CRPPA: variants seen among roughly 807,000 people sequenced by gnomAD.
CRPPA encodes the protein CDP-L-ribitol pyrophosphorylase A, also known as D-ribitol-5-phosphate cytidylyltransferase.
Under a neutral mutation model 52.0 loss-of-function variants are expected in CRPPA, and 43 were observed. That is an observed-to-expected ratio of 0.83 (90% CI 0.65 to 1.07). The LOEUF is 1.07. Among genes scored for constraint, CRPPA ranks in the 50% least tolerant of loss-of-function variants. The probability of loss-of-function intolerance (pLI) is 0.00; values close to 1 mark genes in which losing one functional copy is unlikely to be tolerated. For synonymous variants in CRPPA, 250 were observed against 203.5 expected (o/e 1.23, Z -1.94); for missense variants, 629 against 551.7 (o/e 1.14, Z -1.40).
At position 16,278,003 on chromosome 7, in the gene CRPPA, T is replaced by C. The variant is rs899747046; in HGVS notation, c.933+126A>G. 9.2e-6 allele frequency: 6 copies of C among 651,192 alleles called. No homozygotes were observed. The African/African-American group carries it at 1.1e-4, about 12-fold the overall frequency. 40.3% of individuals were successfully genotyped at this position (651,192 alleles called of 1,614,324 possible). ...GTGCTGGCAGACCAAAGGATCTCATTGAGGCAAAATAATAAGAACATTATG... is the reference window on the plus strand; with the variant it reads ...GTGCTGGCAGACCAAAGGATCTCATCGAGGCAAAATAATAAGAACATTATG... On this transcript the variant is annotated intron_variant, in intron 6 of 9. Coordinates refer to ENST00000407010, the MANE Select transcript of CRPPA (RefSeq NM_001101426.4).
In CRPPA at chr7:16,209,273, C is replaced by CTTTTTTTTTT. The variant is rs34795937; in HGVS notation, c.1251+6783_1251+6792dup. 19 of 123,066 alleles carry CTTTTTTTTTT rather than the reference C, an allele frequency of 1.5e-4. 1 individual carries two copies. Among genetic ancestry groups the CTTTTTTTTTT allele is most frequent in the East Asian group, 1.1e-3 (5 of 4,760 alleles). The allele number at this position is 123,066 out of a possible 1,614,324, so 7.6% of individuals were successfully genotyped here. Reference sequence around the variant, plus strand: ...GGCCAAGTAATACGGTTCTAAGTGTCTTTTTTTTTTTTTTTTTGAGACGAG... The same window carrying CTTTTTTTTTT: ...GGCCAAGTAATACGGTTCTAAGTGTCTTTTTTTTTTTTTTTTTTTTTTTTTTTGAGACGAG... On this transcript the variant is annotated intron_variant, in intron 9 of 9. Transcript: ENST00000407010.
At chr7:16,169,542 C>CT (rs1781134903) in intron 9 of CRPPA, among the ~76,000 whole-genome samples, 1 of 152,206 alleles carries the variant, frequency 6.6e-6, no homozygotes, top group Non-Finnish European at 1.5e-5. Flanking sequence ...GGAGAATGCT[C>CT]TTGGACAAGA....
At chr7:16,397,635 A>G (rs1410412768) in intron 2 of CRPPA, among the ~76,000 whole-genome samples, 1 of 152,230 alleles carries the variant, frequency 6.6e-6, no homozygotes, top group Non-Finnish European at 1.5e-5. Context: ...CACGTGTGTG[A>G]CACGTGACAC....
At chr7:16,342,763 C>CAAAAAAAA (rs368521163) in intron 3 of CRPPA, among the ~76,000 whole-genome samples, 20 of 64,962 alleles carry the variant, frequency 3.1e-4, no homozygotes, top group African/African-American at 4.2e-4. Context: ...CCTGTCTCCA[C>CAAAAAAAA]AAAAAAAAAA....
chr7:16,294,722 A>T (rs747396021), intron 5 of CRPPA, among the ~76,000 whole-genome samples: 17 of 152,030 alleles, frequency 1.1e-4, no homozygotes, highest in Non-Finnish European at 4.4e-5. Context: ...GTTACTATAT[A>T]CATAATCTTA....
chr7:16,136,840 A>G (rs1421688965), intron 9 of CRPPA, among the ~76,000 whole-genome samples: 2 of 152,224 alleles, frequency 1.3e-5, no homozygotes, highest in African/African-American at 2.4e-5. Context: ...TGAGATATGT[A>G]TCTTTTAAAA....
chr7:16,121,765 G>C (rs1447294408), intron 9 of CRPPA, among the ~76,000 whole-genome samples: 1 of 151,978 alleles, frequency 6.6e-6, no homozygotes, highest in Non-Finnish European at 1.5e-5. Context: ...ATAAGCCACA[G>C]GGAAAAACAA....
At chr7:16,271,821 C>G (rs973531117) in intron 6 of CRPPA, among the ~76,000 whole-genome samples, 3 of 151,992 alleles carry the variant, frequency 2.0e-5, no homozygotes, top group Admixed American at 1.3e-4. Flanking sequence ...ACTTTTTATC[C>G]CCAACTGGAC....
At chr7:16,171,449 A>C (rs951563354) in intron 9 of CRPPA, among the ~76,000 whole-genome samples, 2 of 152,182 alleles carry the variant, frequency 1.3e-5, no homozygotes, top group African/African-American at 4.8e-5. Context: ...TTTTCCAAGA[A>C]AATTTGTTTA....
At position 16,173,920 on chromosome 7, in the gene CRPPA, A is replaced by G. The variant is rs138336306; in HGVS notation, c.1251+42146T>C. The stretch of plus-strand genomic sequence containing the variant: ...ACTGATTTATAGATGGCATTGAAAT[A>G]AGTAGCTTACTATATTGAGAAAAAA... On this transcript the variant is annotated intron_variant, in intron 9 of 9. Transcript: ENST00000407010. 6.7e-3 allele frequency among the ~76,000 whole-genome samples: 1,022 copies of G among 152,328 alleles called. 13 individuals are homozygous for G. The highest frequency in any genetic ancestry group is 0.024 in the African/African-American group (979 of 41,576).
intron 9 of CRPPA, among the ~76,000 whole-genome samples, chr7:16,162,140 T>C (rs1226544855): frequency 6.6e-6 from 1 of 152,194 alleles, no homozygotes; most frequent in Non-Finnish European, 1.5e-5. Context: ...AGCTCCTAGA[T>C]TCACTGATTT....
intron 9 of CRPPA, among the ~76,000 whole-genome samples, chr7:16,197,110 G>A (rs949748766): frequency 3.9e-5 from 6 of 151,994 alleles, no homozygotes; most frequent in Admixed American, 3.9e-4. Context: ...GAATACACCA[G>A]TGTGAACCTG....
intron 2 of CRPPA, among the ~76,000 whole-genome samples, chr7:16,379,918 A>G (rs1236870041): frequency 1.3e-5 from 2 of 152,148 alleles, no homozygotes; most frequent in Non-Finnish European, 2.9e-5. Flanking sequence ...CTAGATATAC[A>G]ATCATGTCAT....
chr7:16,155,344 G>C (rs527893952), intron 9 of CRPPA, among the ~76,000 whole-genome samples: 7 of 152,248 alleles, frequency 4.6e-5, no homozygotes, highest in Non-Finnish European at 8.8e-5. Flanking sequence ...CTACACACTG[G>C]TTCAGACATT....
chr7:16,326,675 C>T (rs1785399036), intron 3 of CRPPA, among the ~76,000 whole-genome samples: 1 of 152,166 alleles, frequency 6.6e-6, no homozygotes, highest in Admixed American at 6.5e-5. Context: ...ACTACTAGTT[C>T]TTGCCAAATC....
chr7:16,379,360 G>A lies in CRPPA; in HGVS notation c.535-3119C>T, dbSNP rs563914237. On this transcript the variant is annotated intron_variant, in intron 2 of 9. Transcript: ENST00000407010. ...TTCCATTGATCTATATCTCTGTTTC[G>A]GTACCAGTACCATGCTGTTTTGGTT... 3.7e-3 allele frequency among the ~76,000 whole-genome samples: 567 copies of A among 152,112 alleles called. 3 individuals carry two copies. The highest frequency in any genetic ancestry group is 0.013 in the African/African-American group (539 of 41,488).
At chr7:16,205,426 G>A (rs1457718768) in intron 9 of CRPPA, among the ~76,000 whole-genome samples, 3 of 152,066 alleles carry the variant, frequency 2.0e-5, no homozygotes, top group African/African-American at 7.2e-5. Flanking sequence ...ATATTGGCCA[G>A]GTCACTTGTT....
intron 3 of CRPPA, among the ~76,000 whole-genome samples, chr7:16,370,940 A>T (rs556974082): frequency 3.9e-5 from 6 of 152,224 alleles, no homozygotes; most frequent in Non-Finnish European, 8.8e-5. Flanking sequence ...TGAGAGGCAG[A>T]GTCACAATTC....
intron 9 of CRPPA, among the ~76,000 whole-genome samples, chr7:16,105,741 C>T (rs1782138522): frequency 6.6e-6 from 1 of 152,054 alleles, no homozygotes; most frequent in South Asian, 2.1e-4. Context: ...GTAAGTCATC[C>T]TGCCCAACCT....
Sources: gnomAD v4.1 joint callset for allele counts (sites outside exome capture counted in the v4.1 genomes callset) on GRCh38, gnomAD v4.1.1 for gene constraint, MANE v1.5 for transcripts, NCBI Gene and HGNC (gene_info 2026-07-23, HGNC 2026-07-21) for gene names.